Variants in OTOGL observed in about 807,000 individuals in gnomAD.
OTOGL encodes the protein otogelin-like protein.
In OTOGL, 285 loss-of-function variants were observed where a neutral mutation model predicts 318.5. That is an observed-to-expected ratio of 0.89 (90% CI 0.81 to 0.99). The LOEUF (loss-of-function observed/expected upper bound fraction) is 0.99, where lower values mean the gene tolerates loss of function less well. Ranked by LOEUF, OTOGL falls within the 50% of genes least tolerant of loss-of-function variation. The pLI, the probability that OTOGL is intolerant of heterozygous loss-of-function variation, is 0.00. For missense variants in OTOGL, 2,899 were observed against 2,845.6 expected (o/e 1.02, Z -0.43); for synonymous variants, 987 against 936.5 (o/e 1.05, Z -0.99).
chr12:80,219,798 T>A lies in OTOGL; in HGVS notation c.236-16T>A, dbSNP rs769281647. ...TGGATGCCAGAAGATAACTTTTTTT[T>A]TTTTTTCCCCCTCAGGTTCTTGTCC... On this transcript the variant is annotated splice_polypyrimidine_tract_variant and intron_variant, in intron 5 of 58. Transcript: ENST00000547103. The A allele has an allele frequency of 1.3e-6, 2 of 1,507,124 alleles. No homozygotes were observed. The highest frequency in any genetic ancestry group is 1.8e-6 in the Non-Finnish European group (2 of 1,102,886). 93.4% of individuals were successfully genotyped at this position (1,507,124 alleles called of 1,614,324 possible). A position where few individuals can be genotyped will look rare whatever the true frequency, so the allele number is the denominator to read the frequency against.
At chr12:80,308,261 C>CCGGG (rs1204747421) in intron 29 of OTOGL, among the ~76,000 whole-genome samples, 1 of 150,674 alleles carries the variant, frequency 6.6e-6, no homozygotes, top group Non-Finnish European at 1.5e-5. Context: ...GGGGCGGCTG[C>CCGGG]CGGGCGGAGG....
chr12:80,140,266 C>T (rs1051643529), intron 1 of OTOGL, among the ~76,000 whole-genome samples: 3 of 152,126 alleles, frequency 2.0e-5, no homozygotes, highest in Admixed American at 6.6e-5. Context: ...CAACAACCGC[C>T]TTTATTTCAA....
rs2137589245 is a variant in OTOGL, at chr12:80,271,725, TGTGAGACTACATGTGC to T, written c.2597_2612del (p.Cys866Ter). ...TGAATTACCAGCTGGTGGTGTTAAT[TGTGAGACTACATGTGC>T]AAACCTAGCCATGAACTTCACCTGC... On this transcript the variant is annotated frameshift_variant, in exon 24 of 59. Transcript: ENST00000547103. LOFTEE classifies it high-confidence loss of function. 1 of 1,613,114 alleles carries T rather than the reference TGTGAGACTACATGTGC, an allele frequency of 6.2e-7. No individual in the cohort carries two copies. Among genetic ancestry groups the T allele is most frequent in the Non-Finnish European group, 8.5e-7 (1 of 1,179,410 alleles).
At chr12:80,269,413 A>G (rs1592635632) in intron 22 of OTOGL, among the ~76,000 whole-genome samples, 1 of 152,154 alleles carries the variant, frequency 6.6e-6, no homozygotes, top group Non-Finnish European at 1.5e-5. Flanking sequence ...CCTATCTTCA[A>G]TGCTGCTGCC....
intron 29 of OTOGL, 34 bp downstream of exon 29, chr12:80,305,729 A>C: frequency 7.1e-7 from 1 of 1,412,606 alleles, no homozygotes; most frequent in African/African-American, 1.4e-5. Flanking sequence ...GAAGTCAACA[A>C]AAATTTTTAA....
At chr12:80,375,950 A>T (rs1891155312) in intron 57 of OTOGL, among the ~76,000 whole-genome samples, 1 of 152,060 alleles carries the variant, frequency 6.6e-6, no homozygotes, top group Non-Finnish European at 1.5e-5. Flanking sequence ...AGGAGCCATG[A>T]GTGAGATAGG....
Position 80,342,178 on chromosome 12 carries a change from C to T in OTOGL, c.5265+16C>T, listed in dbSNP as rs1888819812. The T allele has an allele frequency of 1.3e-6, 2 of 1,510,174 alleles. No homozygotes were observed. Among genetic ancestry groups the T allele is most frequent in the Non-Finnish European group, 1.8e-6 (2 of 1,107,820 alleles). The allele number at this position is 1,510,174 out of a possible 1,614,324, so 93.5% of individuals were successfully genotyped here. ...TCATGATAAAGTAAGTTGGAAGCAA[C>T]CATAAATAATACTTTCATGTTAGAT... is the stretch of plus-strand genomic sequence containing the variant. On this transcript the variant is annotated intron_variant, in intron 44 of 58. Coordinates refer to ENST00000547103, the MANE Select transcript of OTOGL (RefSeq NM_001378609.3).
intron 1 of OTOGL, among the ~76,000 whole-genome samples, chr12:80,178,536 C>G (rs1874698881): frequency 6.6e-6 from 1 of 152,136 alleles, no homozygotes; most frequent in Non-Finnish European, 1.5e-5. Context: ...CCTTGGCCTT[C>G]CCTGCCTCTC....
In OTOGL at chr12:80,352,701, C is replaced by T. The variant is rs141945473; in HGVS notation, c.5407+265C>T. The stretch of plus-strand genomic sequence containing the variant: ...TTCAAGAGGGGCATTGCTGATTCAT[C>T]GGGAATGTGTGTCATCTCCAATTTC... On this transcript the variant is annotated intron_variant, in intron 45 of 58. Coordinates refer to ENST00000547103, the MANE Select transcript of OTOGL (RefSeq NM_001378609.3). 4.7e-3 allele frequency among the ~76,000 whole-genome samples: 713 copies of T among 152,244 alleles called. 5 individuals carry two copies. Among genetic ancestry groups the T allele is most frequent in the African/African-American group, 0.017 (688 of 41,542 alleles).
intron 1 of OTOGL, among the ~76,000 whole-genome samples, chr12:80,128,332 G>C (rs1870992529): frequency 6.6e-6 from 1 of 152,220 alleles, no homozygotes; most frequent in African/African-American, 2.4e-5. Context: ...CTGGGTTTCA[G>C]CAGCGGAGGC....
chr12:80,100,503 T>C (rs61007624), intron 1 of OTOGL, among the ~76,000 whole-genome samples: 4,532 of 152,214 alleles, frequency 0.03, 225 homozygotes, highest in African/African-American at 0.1. Context: ...AAAAATGTAG[T>C]TTATACAAAG....
At chr12:80,122,943 G>A (rs1440335857) in intron 1 of OTOGL, among the ~76,000 whole-genome samples, 3 of 148,782 alleles carry the variant, frequency 2.0e-5, no homozygotes, top group Non-Finnish European at 4.5e-5. Context: ...ACTTTCCCTG[G>A]AGTCCAGAGC....
chr12:80,197,038 T>C (rs899874657), intron 1 of OTOGL, among the ~76,000 whole-genome samples: 5 of 152,214 alleles, frequency 3.3e-5, no homozygotes, highest in African/African-American at 1.2e-4. Flanking sequence ...GGAGGCTTCA[T>C]TGGCATGATA....
chr12:80,212,627 G>T (rs759395297), intron 4 of OTOGL, among the ~76,000 whole-genome samples: 3 of 152,028 alleles, frequency 2.0e-5, no homozygotes, highest in Non-Finnish European at 4.4e-5. Flanking sequence ...CTCTATAAAA[G>T]ATGGATGGTA....
intron 44 of OTOGL, among the ~76,000 whole-genome samples, chr12:80,348,046 A>G (rs1384696097): frequency 6.6e-6 from 1 of 152,128 alleles, no homozygotes; most frequent in Non-Finnish European, 1.5e-5. Flanking sequence ...GATAGATTGC[A>G]AAAATTTTCT....
At chr12:80,238,803 T>G in intron 9 of OTOGL, 48 bp from the exon 10 acceptor site, 1 of 1,380,516 alleles carries the variant, frequency 7.2e-7, no homozygotes, top group Non-Finnish European at 9.4e-7. Flanking sequence ...GAAAATGATA[T>G]GATTACACCT....
intron 1 of OTOGL, among the ~76,000 whole-genome samples, chr12:80,127,384 T>G (rs949735185): frequency 2.5e-4 from 38 of 152,326 alleles, no homozygotes; most frequent in Middle Eastern, 3.4e-3. Flanking sequence ...CTCTCTTCTG[T>G]CTTGTAGAGT....
chr12:80,104,813 G>A (rs1869358188), intron 1 of OTOGL, among the ~76,000 whole-genome samples: 1 of 152,042 alleles, frequency 6.6e-6, no homozygotes, highest in African/African-American at 2.4e-5. Context: ...AATAAAAACT[G>A]GCCTGGCACG....
At chr12:80,361,144 C>T (rs568990922) in intron 52 of OTOGL, 1 of 152,092 alleles carries the variant, frequency 6.6e-6, no homozygotes, top group South Asian at 2.1e-4. Context: ...CCTGCTCCCC[C>T]ACCCTCAGCC....
Sources: gnomAD v4.1 joint callset for allele counts (sites outside exome capture counted in the v4.1 genomes callset) on GRCh38, gnomAD v4.1.1 for gene constraint, MANE v1.5 for transcripts, NCBI Gene and HGNC (gene_info 2026-07-23, HGNC 2026-07-21) for gene names.